Variants in ITCH observed in about 807,000 individuals in gnomAD.
ITCH encodes itchy E3 ubiquitin protein ligase.
Under a neutral mutation model 126.8 loss-of-function variants are expected in ITCH, and 28 were observed. The observed-to-expected ratio is 0.22, with a 90% CI of 0.16 to 0.30. ITCH has a LOEUF of 0.30. Ranked by LOEUF, ITCH falls within the 10% of genes least tolerant of loss-of-function variation. The probability of loss-of-function intolerance (pLI) is 1.00; values close to 1 mark genes in which losing one functional copy is unlikely to be tolerated. For synonymous variants in ITCH, 342 were observed against 340.0 expected (o/e 1.01, Z -0.06); for missense variants, 631 against 1,032.4 (o/e 0.61, Z 5.33).
rs1372727885 is a variant in ITCH at position 34,413,729 on chromosome 20, T to A, written c.338-13T>A. The A allele has an allele frequency of 6.3e-7, 1 of 1,593,204 alleles. No homozygotes were observed. The highest frequency in any genetic ancestry group is 1.3e-5 in the African/African-American group (1 of 74,274). ...AAAGTGACCATTTTTTCTGTAACTT[T>A]ATTTTCTTCCAGTTGAAGAAGTAGT... On this transcript the variant is annotated splice_polypyrimidine_tract_variant and intron_variant, in intron 5 of 24. Transcript: ENST00000374864.
chr20:34,375,134 C>T (rs910314448), intron 2 of ITCH, among the ~76,000 whole-genome samples: 8 of 150,360 alleles, frequency 5.3e-5, no homozygotes, highest in South Asian at 4.2e-4. Context: ...CTCCGCTTTC[C>T]GGGTTCAAGC....
chr20:34,400,186 C>T (rs2038823770), intron 3 of ITCH, among the ~76,000 whole-genome samples: 1 of 152,120 alleles, frequency 6.6e-6, no homozygotes, highest in African/African-American at 2.4e-5. Context: ...ATCTGCCCAC[C>T]TCAGCCTCCC....
chr20:34,419,754 A>G (rs1980501980), intron 6 of ITCH, among the ~76,000 whole-genome samples: 2 of 152,316 alleles, frequency 1.3e-5, no homozygotes, highest in South Asian at 2.1e-4. Context: ...TTGCCGGTTC[A>G]CGCCATTCTC....
chr20:34,503,434 G>A (rs1383011763), intron 23 of ITCH, among the ~76,000 whole-genome samples: 1 of 152,170 alleles, frequency 6.6e-6, no homozygotes, highest in African/African-American at 2.4e-5. Context: ...GCAGGTAAAT[G>A]AGGGGCAAGT....
chr20:34,488,340 A>T (rs1052681005), intron 20 of ITCH, among the ~76,000 whole-genome samples: 1 of 152,198 alleles, frequency 6.6e-6, no homozygotes, highest in South Asian at 2.1e-4. Flanking sequence ...TAAAATAATG[A>T]TGCGGTCATG....
chr20:34,412,656 A>C lies in ITCH; in HGVS notation c.337+17A>C. Reference sequence around the variant, plus strand: ...ATATGAAACGTATGTATGTAAGACTAATAGAAATTGCACTTAGCTGTTTGT... The same window carrying C: ...ATATGAAACGTATGTATGTAAGACTCATAGAAATTGCACTTAGCTGTTTGT... On this transcript the variant is annotated intron_variant, in intron 5 of 24. Transcript: ENST00000374864. The C allele has an allele frequency of 6.3e-7, 1 of 1,595,208 alleles. No homozygotes were observed. Among genetic ancestry groups the C allele is most frequent in the Non-Finnish European group, 8.6e-7 (1 of 1,163,886 alleles).
chr20:34,377,177 A>G (rs1349835538), intron 2 of ITCH, among the ~76,000 whole-genome samples: 1 of 151,892 alleles, frequency 6.6e-6, no homozygotes, highest in Non-Finnish European at 1.5e-5. Flanking sequence ...GTTTGAGACC[A>G]GCCTGGCCAA....
At chr20:34,441,236 C>T (rs1007517942) in intron 9 of ITCH, among the ~76,000 whole-genome samples, 1 of 152,108 alleles carries the variant, frequency 6.6e-6, no homozygotes, top group Non-Finnish European at 1.5e-5. Context: ...CTTGCCACTG[C>T]ACTCCAGCCT....
intron 1 of ITCH, among the ~76,000 whole-genome samples, chr20:34,368,260 ACT>A (rs1440725680): frequency 2.9e-5 from 4 of 136,438 alleles, no homozygotes; most frequent in Non-Finnish European, 4.6e-5. Flanking sequence ...CAAGAATGAG[ACT>A]CTGTCTCAAA....
At chr20:34,376,836 A>G (rs544695098) in intron 2 of ITCH, among the ~76,000 whole-genome samples, 2 of 152,254 alleles carry the variant, frequency 1.3e-5, no homozygotes, top group African/African-American at 4.8e-5. Flanking sequence ...GTCAGTGGGA[A>G]TGAAAATAAA....
intron 17 of ITCH, among the ~76,000 whole-genome samples, chr20:34,478,586 A>T (rs976911058): frequency 2.6e-5 from 4 of 152,166 alleles, no homozygotes; most frequent in African/African-American, 7.2e-5. Flanking sequence ...TGTTGGGCAA[A>T]TATTTTCATC....
rs2038261551 is a variant in ITCH at position 34,385,780 on chromosome 20, A to G, written c.-21-8011A>G. Among the ~76,000 whole-genome samples, 5 of 152,092 alleles carry G rather than the reference A, an allele frequency of 3.3e-5. No homozygotes were observed. In the South Asian group the frequency reaches 1.0e-3, roughly 31 times the overall value. On this transcript the variant is annotated intron_variant, in intron 2 of 24. Coordinates refer to ENST00000374864, the MANE Select transcript of ITCH (RefSeq NM_031483.7). ...TATGCTTTAGAATCCATACTGATGT[A>G]TTTGGTTGGAAAGTGGGAAAGGAGC... is the stretch of plus-strand genomic sequence containing the variant.
intron 15 of ITCH, 149 bp from the exon 16 acceptor site, chr20:34,471,295 A>T (rs1600426288): frequency 1.5e-6 from 1 of 654,612 alleles, no homozygotes; most frequent in East Asian, 2.7e-5. Flanking sequence ...TCACAGATGC[A>T]TTGGTAAACA....
intron 1 of ITCH, among the ~76,000 whole-genome samples, chr20:34,364,467 A>G (rs994764313): frequency 1.3e-5 from 2 of 152,120 alleles, no homozygotes; most frequent in Non-Finnish European, 2.9e-5. Flanking sequence ...GTGTATTTCC[A>G]TTCTCAAAAT....
rs1039212989 is a variant in ITCH, at chr20:34,364,767, T to C, written c.-99+1418T>C. 2.8e-5 allele frequency among the ~76,000 whole-genome samples: 4 copies of C among 141,068 alleles called. No individual in the cohort carries two copies. The East Asian group carries it at 8.5e-4, about 30-fold the overall frequency. 92.5% of individuals were successfully genotyped at this position (141,068 alleles called of 152,430 possible). A position where few individuals can be genotyped will look rare whatever the true frequency, so the allele number is the denominator to read the frequency against. ...AATCCTGGGCGTGGTGGCGCGCGCC[T>C]GTAGTCCCAGCTACTAGGGAGGCTG... On this transcript the variant is annotated intron_variant, in intron 1 of 24. Coordinates refer to ENST00000374864, the MANE Select transcript of ITCH (RefSeq NM_031483.7).
chr20:34,441,093 A>G (rs1463493902), intron 9 of ITCH, among the ~76,000 whole-genome samples: 2 of 152,052 alleles, frequency 1.3e-5, no homozygotes, highest in Admixed American at 6.5e-5. Context: ...CAACATGCTG[A>G]AACCCCATCT....
chr20:34,416,447 T>A (rs1979866145), intron 6 of ITCH, among the ~76,000 whole-genome samples: 1 of 152,154 alleles, frequency 6.6e-6, no homozygotes, highest in Admixed American at 6.6e-5. Flanking sequence ...AATAAAAGTT[T>A]TATGAATGTC....
chr20:34,412,226 A>G (rs773161167), intron 4 of ITCH, among the ~76,000 whole-genome samples: 1 of 152,214 alleles, frequency 6.6e-6, no homozygotes, highest in Non-Finnish European at 1.5e-5. Context: ...ACTAAAGTAA[A>G]ACTAGTTTTC....
chr20:34,474,438 T>A (rs1341160842), intron 16 of ITCH, among the ~76,000 whole-genome samples: 2 of 152,338 alleles, frequency 1.3e-5, no homozygotes, highest in East Asian at 3.9e-4. Flanking sequence ...CATTTAACCA[T>A]GAGTGGACGC....
Sources: allele counts gnomAD v4.1 joint callset (sites outside exome capture counted in the v4.1 genomes callset), GRCh38; gene constraint gnomAD v4.1.1; transcripts MANE v1.5; gene names NCBI Gene and HGNC (gene_info 2026-07-23, HGNC 2026-07-21).